Variants in CHN2 observed in about 807,000 individuals in gnomAD.
CHN2 encodes the protein beta-chimaerin.
CHN2 carries 35 observed loss-of-function variants against 56.3 expected under a neutral mutation model. The observed-to-expected ratio is 0.62, with a 90% CI of 0.47 to 0.82. The LOEUF is 0.82. Among genes scored for constraint, CHN2 ranks in the 40% least tolerant of loss-of-function variants. CHN2 has a pLI of 0.00. For synonymous variants in CHN2, 210 were observed against 212.8 expected (o/e 0.99, Z 0.12); for missense variants, 491 against 580.5 (o/e 0.85, Z 1.58).
intron 1 of CHN2, among the ~76,000 whole-genome samples, chr7:29,202,095 T>G (rs1784204212): frequency 1.3e-5 from 2 of 152,176 alleles, no homozygotes; most frequent in South Asian, 4.2e-4. Flanking sequence ...GAGTTCTGAT[T>G]TCACCCTCAA....
chr7:29,195,629 A>AGAGAGAGTGTGTGTGT (rs869037854), intron 1 of CHN2, among the ~76,000 whole-genome samples: 9 of 117,576 alleles, frequency 7.7e-5, no homozygotes, highest in South Asian at 5.7e-4. Context: ...AGAGAGAGAG[A>AGAGAGAGTGTGTGTGT]GTGTGTGTGT....
intron 3 of CHN2, among the ~76,000 whole-genome samples, chr7:29,391,391 A>G (rs1801359599): frequency 6.8e-6 from 1 of 147,678 alleles, no homozygotes; most frequent in Non-Finnish European, 1.5e-5. Flanking sequence ...GGAGGAAGGG[A>G]GGGGAGAAGA....
At chr7:29,352,361 GTGTGTGTA>G (rs913170240) in intron 1 of CHN2, among the ~76,000 whole-genome samples, 15 of 150,270 alleles carry the variant, frequency 1.0e-4, no homozygotes, top group Non-Finnish European at 1.9e-4. Flanking sequence ...GTGTGTGTGT[GTGTGTGTA>G]TGTGTGTGTG....
At chr7:29,253,034 C>T (rs576806512) in intron 1 of CHN2, among the ~76,000 whole-genome samples, 1 of 152,232 alleles carries the variant, frequency 6.6e-6, no homozygotes, top group East Asian at 1.9e-4. Flanking sequence ...AGATATAAGT[C>T]GATTCTTAGT....
At chr7:29,183,130 G>A (rs1044472948) in intron 2 of CHN2, among the ~76,000 whole-genome samples, 9 of 150,666 alleles carry the variant, frequency 6.0e-5, no homozygotes, top group Admixed American at 2.0e-4. Flanking sequence ...TGTTGCCTAG[G>A]CTGGAGTGCA....
chr7:29,432,009 G>A (rs1241927869), intron 6 of CHN2, among the ~76,000 whole-genome samples: 4 of 152,112 alleles, frequency 2.6e-5, no homozygotes, highest in Non-Finnish European at 4.4e-5. Context: ...CTTCAACTTC[G>A]GTTAAGTGCC....
upstream of CHN2, among the ~76,000 whole-genome samples, chr7:29,190,101 C>T (rs948488482): frequency 1.3e-5 from 2 of 152,198 alleles, no homozygotes; most frequent in East Asian, 1.9e-4. Flanking sequence ...CCCCTAGTGA[C>T]GCCTGCCTCA....
At chr7:29,343,403 C>G (rs1797192280) in intron 1 of CHN2, among the ~76,000 whole-genome samples, 1 of 152,128 alleles carries the variant, frequency 6.6e-6, no homozygotes, top group South Asian at 2.1e-4. Flanking sequence ...CCCCTTGTCT[C>G]CCTGTATTGC....
chr7:29,240,997 C>T (rs531706291), intron 1 of CHN2, among the ~76,000 whole-genome samples: 7 of 151,986 alleles, frequency 4.6e-5, no homozygotes, highest in Non-Finnish European at 1.0e-4. Flanking sequence ...GTGATTCTCC[C>T]ACCTCAGCCT....
chr7:29,293,469 G>C (rs1016767823), intron 1 of CHN2, among the ~76,000 whole-genome samples: 16 of 150,198 alleles, frequency 1.1e-4, no homozygotes, highest in African/African-American at 3.7e-4. Context: ...CCTTGAAGGT[G>C]CTCCTCTGGC....
At chr7:29,505,436 G>C (rs551166582) in intron 10 of CHN2, among the ~76,000 whole-genome samples, 41 of 152,326 alleles carry the variant, frequency 2.7e-4, no homozygotes, top group African/African-American at 9.4e-4. Flanking sequence ...CCTCTACTTT[G>C]TAGTGTGGTA....
intron 1 of CHN2, among the ~76,000 whole-genome samples, chr7:29,291,746 G>A (rs1185769503): frequency 6.6e-6 from 1 of 151,908 alleles, no homozygotes; most frequent in East Asian, 1.9e-4. Flanking sequence ...TTTTTTTTAA[G>A]TATTAAATCC....
intron 1 of CHN2, among the ~76,000 whole-genome samples, chr7:29,303,121 G>A (rs753928888): frequency 2.1e-4 from 32 of 152,136 alleles, no homozygotes; most frequent in East Asian, 3.9e-4. Flanking sequence ...TGATGCTGGC[G>A]TCTGTTTCCC....
Position 29,158,642 on chromosome 7 carries a change from G to A in CHN2, c.274+11682G>A, listed in dbSNP as rs1013086452. Among the ~76,000 whole-genome samples the A allele has an allele frequency of 6.6e-5, 10 of 152,268 alleles. 1 individual carries two copies. The highest frequency in any genetic ancestry group is 4.1e-4 in the South Asian group (2 of 4,826). On this transcript the variant is annotated intron_variant, in intron 2 of 6. Transcript: ENST00000439384. The stretch of plus-strand genomic sequence containing the variant: ...CTGTATGCCTGAATAGGTGAATTAT[G>A]CATTTCACCCAACTTTCTTTTATAA...
At position 29,251,368 on chromosome 7, in the gene CHN2, C is replaced by A. The variant is rs1238028270; in HGVS notation, c.49+56378C>A. Among the ~76,000 whole-genome samples, 3 of 152,078 alleles carry A rather than the reference C, an allele frequency of 2.0e-5. No individual in the cohort carries two copies. The East Asian group carries it at 5.8e-4, about 29-fold the overall frequency. ...ACTTAGGAGGCTGAGGTGGGAGGAT[C>A]TCTTGAGCCTGGGAGGTCAAGACTG... On this transcript the variant is annotated intron_variant, in intron 1 of 12. Transcript: ENST00000222792.
At position 29,354,657 on chromosome 7, in the gene CHN2, T is replaced by A; in HGVS notation, c.82T>A (p.Ser28Thr). 1.9e-6 allele frequency: 3 copies of A among 1,611,986 alleles called. No individual in the cohort carries two copies. Among genetic ancestry groups the A allele is most frequent in the Non-Finnish European group, 2.5e-6 (3 of 1,179,050 alleles). Reference protein sequence around the residue: ...AEEYQPPIWKSYLYQLQQEAP... With the variant: ...AEEYQPPIWKTYLYQLQQEAP... Reference sequence around the variant, plus strand: ...AGAATACCAGCCTCCTATATGGAAATCATACTGTGAGTACCTGAAATGAAA... The same window carrying A: ...AGAATACCAGCCTCCTATATGGAAAACATACTGTGAGTACCTGAAATGAAA... The change falls in exon 2 of 13, where the codon TCA becomes ACA. Residue 28 changes from serine to threonine, a missense_variant. Ser to Thr is a moderately conservative substitution (Grantham distance 58). Coordinates refer to ENST00000222792, the MANE Select transcript of CHN2 (RefSeq NM_004067.4).
chr7:29,366,324 C>G (rs959373358), intron 2 of CHN2, among the ~76,000 whole-genome samples: 4 of 152,044 alleles, frequency 2.6e-5, no homozygotes, highest in African/African-American at 7.2e-5. Context: ...CTAAGGTAAG[C>G]CTTGGGCCTC....
intron 1 of CHN2, among the ~76,000 whole-genome samples, chr7:29,197,676 C>T (rs534392795): frequency 1.3e-5 from 2 of 152,290 alleles, no homozygotes; most frequent in East Asian, 1.9e-4. Flanking sequence ...TAAATAAGCA[C>T]GCGAGTGTTT....
At chr7:29,177,201 G>A (rs1345703058) in intron 2 of CHN2, among the ~76,000 whole-genome samples, 1 of 151,212 alleles carries the variant, frequency 6.6e-6, no homozygotes, top group East Asian at 1.9e-4. Flanking sequence ...TACCTATATA[G>A]GAGATCTTTT....
Sources: gnomAD v4.1 joint callset for allele counts (sites outside exome capture counted in the v4.1 genomes callset) on GRCh38, gnomAD v4.1.1 for gene constraint, MANE v1.5 for transcripts, NCBI Gene and HGNC (gene_info 2026-07-23, HGNC 2026-07-21) for gene names.